The following PTPRG variants were observed in gnomAD, a reference collection of about 807,000 sequenced individuals.
The protein encoded by PTPRG is protein tyrosine phosphatase receptor type G.
A neutral mutation model predicts 165.3 loss-of-function variants in PTPRG; 102 were observed. The ratio of observed to expected loss-of-function variants is 0.62; its 90% confidence interval spans 0.53 to 0.73. The LOEUF is 0.73. Ranked by LOEUF, PTPRG falls within the 30% of genes least tolerant of loss-of-function variation. The pLI, the probability that PTPRG is intolerant of heterozygous loss-of-function variation, is 0.00. For synonymous variants in PTPRG, 675 were observed against 669.5 expected, an observed-to-expected ratio of 1.01 and a Z score of -0.13; for missense variants, 1,866 against 1,861.4, an observed-to-expected ratio of 1.00 and a Z score of -0.05.
In PTPRG at chr3:62,222,854, C is replaced by T. The variant is rs560360151; in HGVS notation, c.2288+3871C>T. ...TAGAGATCAGGTCCCTTGGCCCTCA[C>T]AGTCCATTGGAAGAGGCAGATGAGT... On this transcript the variant is annotated intron_variant, in intron 13 of 29. Transcript: ENST00000474889. This position sits in a 1 kb window ranked among gnomAD's most constrained non-coding sequence, Gnocchi z 4.5. Among the ~76,000 whole-genome samples the T allele has an allele frequency of 1.3e-5, 2 of 152,230 alleles. No individual in the cohort carries two copies. The highest frequency in any genetic ancestry group is 4.1e-4 in the South Asian group (2 of 4,820).
chr3:62,087,754 A>G (rs1398449414), intron 5 of PTPRG, among the ~76,000 whole-genome samples: 2 of 152,112 alleles, frequency 1.3e-5, no homozygotes, highest in Non-Finnish European at 2.9e-5. Context: ...GTAGAGGGAG[A>G]AGTATATATT....
chr3:61,800,450 C>T (rs1324916245), intron 2 of PTPRG, among the ~76,000 whole-genome samples: 2 of 151,880 alleles, frequency 1.3e-5, no homozygotes, highest in Non-Finnish European at 2.9e-5. Flanking sequence ...CTTCTCGGTG[C>T]CTTGGCTGGG....
intron 1 of PTPRG, among the ~76,000 whole-genome samples, chr3:61,593,131 A>G (rs1700614607): frequency 6.6e-6 from 1 of 152,144 alleles, no homozygotes; most frequent in African/African-American, 2.4e-5. Flanking sequence ...TGTTCTTAAC[A>G]TATTCCTATG....
chr3:62,247,288 T>C (rs1701308420), intron 15 of PTPRG, among the ~76,000 whole-genome samples: 1 of 152,136 alleles, frequency 6.6e-6, no homozygotes, highest in African/African-American at 2.4e-5. Flanking sequence ...GCACAGATGC[T>C]TATAAATGGC....
intron 1 of PTPRG, among the ~76,000 whole-genome samples, chr3:61,634,438 G>T (rs974274842): frequency 2.0e-5 from 3 of 151,760 alleles, no homozygotes; most frequent in Non-Finnish European, 4.4e-5. Context: ...CGGGGTTTCA[G>T]TATGTTGGCC....
At chr3:61,906,349 G>A (rs1006186944) in intron 2 of PTPRG, among the ~76,000 whole-genome samples, 3 of 151,636 alleles carry the variant, frequency 2.0e-5, no homozygotes, top group South Asian at 2.1e-4. Context: ...CCAGCTCCTC[G>A]GGAGGCTGAG....
chr3:61,898,980 C>T (rs2038431998), intron 2 of PTPRG, among the ~76,000 whole-genome samples: 1 of 152,174 alleles, frequency 6.6e-6, no homozygotes, highest in African/African-American at 2.4e-5. Flanking sequence ...GCCATCATGG[C>T]TCACTGTAGC....
intron 2 of PTPRG, among the ~76,000 whole-genome samples, chr3:61,906,559 C>T (rs2038662469): frequency 6.6e-6 from 1 of 152,018 alleles, no homozygotes; most frequent in South Asian, 2.1e-4. Flanking sequence ...CACTTTAGCC[C>T]AGGAATTCGA....
At chr3:61,732,709 AAAATAAAT>A (rs10593342) in intron 1 of PTPRG, among the ~76,000 whole-genome samples, 11,016 of 142,954 alleles carry the variant, frequency 0.077, 495 homozygotes, top group Non-Finnish European at 0.094. Flanking sequence ...ACTCCGTCTC[AAAATAAAT>A]AAATAAATAA....
chr3:61,621,051 ATGTGTG>A (rs1173192341), intron 1 of PTPRG, among the ~76,000 whole-genome samples: 22 of 117,990 alleles, frequency 1.9e-4, no homozygotes, highest in African/African-American at 3.6e-4. Context: ...ATATATATAT[ATGTGTG>A]TGTGTGTGTG....
intron 5 of PTPRG, among the ~76,000 whole-genome samples, chr3:62,093,366 A>C (rs549609126): frequency 4.6e-5 from 7 of 152,222 alleles, no homozygotes; most frequent in Non-Finnish European, 1.0e-4. Flanking sequence ...CACCAGTCCA[A>C]CTTGAATTCT....
chr3:62,231,217 C>G lies in PTPRG; in HGVS notation c.2289-8C>G. The stretch of plus-strand genomic sequence containing the variant: ...ACACCTGTTCTCTTTTGTTTTTTGT[C>G]CATTTAGAGGGTGTAACAAAATAAA... On this transcript the variant is annotated splice_region_variant and splice_polypyrimidine_tract_variant and intron_variant, in intron 13 of 29. Coordinates refer to ENST00000474889, the MANE Select transcript of PTPRG (RefSeq NM_002841.4). 6.5e-7 allele frequency: 1 copy of G among 1,533,308 alleles called. No individual in the cohort carries two copies. Among genetic ancestry groups the G allele is most frequent in the Non-Finnish European group, 8.8e-7 (1 of 1,140,404 alleles). 95.0% of individuals were successfully genotyped at this position (1,533,308 alleles called of 1,614,324 possible). A position where few individuals can be genotyped will look rare whatever the true frequency, so the allele number is the denominator to read the frequency against.
chr3:62,143,695 C>T (rs545674470), intron 6 of PTPRG, among the ~76,000 whole-genome samples: 1 of 151,756 alleles, frequency 6.6e-6, no homozygotes, highest in Non-Finnish European at 1.5e-5. Flanking sequence ...TTTAAAGAAA[C>T]AGAATTTTGT....
intron 2 of PTPRG, among the ~76,000 whole-genome samples, chr3:61,881,236 T>TC (rs1401682978): frequency 6.6e-6 from 1 of 152,222 alleles, no homozygotes; most frequent in Non-Finnish European, 1.5e-5. Context: ...GCTTGTAAAG[T>TC]CATGATTCTC....
chr3:61,968,800 A>G (rs935134510), intron 2 of PTPRG, among the ~76,000 whole-genome samples: 1 of 152,300 alleles, frequency 6.6e-6, no homozygotes, highest in East Asian at 1.9e-4. Flanking sequence ...ATATCACTGT[A>G]TCGATGGTGA....
At chr3:61,706,728 G>T (rs2031279205) in intron 1 of PTPRG, among the ~76,000 whole-genome samples, 1 of 152,066 alleles carries the variant, frequency 6.6e-6, no homozygotes, top group Admixed American at 6.6e-5. Flanking sequence ...GACCTCAGGT[G>T]ATCCACCCGC....
At chr3:61,993,899 T>G (rs1440343526) in intron 3 of PTPRG, among the ~76,000 whole-genome samples, 1 of 152,130 alleles carries the variant, frequency 6.6e-6, no homozygotes, top group Non-Finnish European at 1.5e-5. Flanking sequence ...ATACAGACAG[T>G]AACTCTCCCA....
chr3:61,984,889 A>T (rs549185207), intron 2 of PTPRG, among the ~76,000 whole-genome samples: 2 of 152,316 alleles, frequency 1.3e-5, no homozygotes, highest in African/African-American at 4.8e-5. Flanking sequence ...ATGTTTGTCA[A>T]TTATATAGAA....
chr3:62,155,177 G>T (rs1165245125), intron 6 of PTPRG, among the ~76,000 whole-genome samples: 10 of 152,142 alleles, frequency 6.6e-5, no homozygotes, highest in Admixed American at 6.6e-4. Flanking sequence ...GAAGACTTTT[G>T]CATTTATTGG....
Sources: allele counts gnomAD v4.1 joint callset (sites outside exome capture counted in the v4.1 genomes callset), GRCh38; gene constraint gnomAD v4.1.1; non-coding constraint Gnocchi (gnomAD v3.1); transcripts MANE v1.5; gene names NCBI Gene and HGNC (gene_info 2026-07-23, HGNC 2026-07-21).